Variants in PLXNA4 observed in about 807,000 individuals in gnomAD.
PLXNA4 encodes the protein plexin-A4.
In PLXNA4, 44 loss-of-function variants were observed where a neutral mutation model predicts 191.8. That is an observed-to-expected ratio of 0.23 (90% confidence interval 0.18 to 0.29). The LOEUF is 0.29. PLXNA4 is among the 10% of genes least tolerant of loss of function. The pLI is 1.00. For synonymous variants in PLXNA4, 1,082 were observed against 1,009.5 expected (o/e 1.07, Z -1.36); for missense variants, 1,800 against 2,488.8 (o/e 0.72, Z 5.89).
At chr7:132,379,511 C>T (rs62466423) in intron 3 of PLXNA4, among the ~76,000 whole-genome samples, 7,781 of 152,306 alleles carry the variant, frequency 0.051, 275 homozygotes, top group Non-Finnish European at 0.077. Flanking sequence ...ATGGACCTTG[C>T]ATTCCTCCAT....
chr7:132,585,030 C>T (rs1033853372), intron 2 of PLXNA4, among the ~76,000 whole-genome samples: 2 of 152,072 alleles, frequency 1.3e-5, no homozygotes, highest in Admixed American at 1.3e-4. Flanking sequence ...CACGCAGCAG[C>T]CTGTCTGCCT....
At chr7:132,204,959 C>T (rs915747726) in intron 10 of PLXNA4, among the ~76,000 whole-genome samples, 6 of 152,282 alleles carry the variant, frequency 3.9e-5, no homozygotes, top group African/African-American at 7.2e-5. Flanking sequence ...TCCCTGGCAA[C>T]GCGTGCCAGG....
chr7:132,454,593 C>T (rs1256793051), intron 3 of PLXNA4, among the ~76,000 whole-genome samples: 2 of 152,084 alleles, frequency 1.3e-5, no homozygotes, highest in African/African-American at 4.8e-5. Flanking sequence ...GTTGAAGTCC[C>T]AACCCCCAGT....
At position 132,489,272 on chromosome 7, in the gene PLXNA4, G is replaced by T; in HGVS notation, c.1371+20C>A. The T allele has an allele frequency of 1.9e-6, 3 of 1,571,682 alleles. No individual in the cohort carries two copies. The highest frequency in any genetic ancestry group is 2.6e-6 in the Non-Finnish European group (3 of 1,146,320). ...CAGACTGTCTTCACAGTAACCAAAA[G>T]TACTGCACCTCATTCCTACCTTCTT... On this transcript the variant is annotated intron_variant, in intron 3 of 31. Coordinates refer to ENST00000321063, the MANE Select transcript of PLXNA4 (RefSeq NM_020911.2).
At chr7:132,459,319 C>T (rs945820551) in intron 3 of PLXNA4, among the ~76,000 whole-genome samples, 3 of 152,142 alleles carry the variant, frequency 2.0e-5, no homozygotes, top group African/African-American at 7.2e-5. Context: ...ATTTTAACAC[C>T]AACAAGATCT....
At chr7:132,248,132 G>A (rs960929829) in intron 4 of PLXNA4, among the ~76,000 whole-genome samples, 1 of 152,202 alleles carries the variant, frequency 6.6e-6, no homozygotes, top group Non-Finnish European at 1.5e-5. Flanking sequence ...GTGCTTATGT[G>A]CTCATCTTTG....
Position 132,508,702 on chromosome 7 carries a change from C to T in PLXNA4, c.-9G>A, listed in dbSNP as rs934265260. The T allele has an allele frequency of 1.8e-5, 27 of 1,495,118 alleles. No homozygotes were observed. The highest frequency in any genetic ancestry group is 1.5e-4 in the East Asian group (6 of 40,752). The allele number at this position is 1,495,118 out of a possible 1,614,324, so 92.6% of individuals were successfully genotyped here. A position where few individuals can be genotyped will look rare whatever the true frequency, so the allele number is the denominator to read the frequency against. On this transcript the variant is annotated 5_prime_UTR_variant, in exon 2 of 32. Coordinates refer to ENST00000321063, the MANE Select transcript of PLXNA4 (RefSeq NM_020911.2). This position sits in a 1 kb window ranked among gnomAD's most constrained non-coding sequence, Gnocchi z 4.4. ...CAGGGCATGGCTTTCATGGCAGAGG[C>T]GGGTCCCAGTGGCACAGCAGCACTC... is the stretch of plus-strand genomic sequence containing the variant.
intron 10 of PLXNA4, among the ~76,000 whole-genome samples, chr7:132,209,110 T>A (rs1390556660): frequency 1.3e-5 from 2 of 152,182 alleles, no homozygotes. Flanking sequence ...GACCAAGAGG[T>A]TTAGAAGACT....
At chr7:132,222,047 A>G (rs1798161967) in intron 9 of PLXNA4, among the ~76,000 whole-genome samples, 1 of 152,202 alleles carries the variant, frequency 6.6e-6, no homozygotes, top group Non-Finnish European at 1.5e-5. Flanking sequence ...CATTATCTTA[A>G]TGAAGGTTTT....
chr7:132,319,812 C>T (rs1252269732), intron 3 of PLXNA4, among the ~76,000 whole-genome samples: 1 of 151,912 alleles, frequency 6.6e-6, no homozygotes, highest in African/African-American at 2.4e-5. Flanking sequence ...AGCCATGGGG[C>T]TTTGCTGGAG....
chr7:132,400,344 G>T (rs534838960), intron 3 of PLXNA4, among the ~76,000 whole-genome samples: 1 of 152,146 alleles, frequency 6.6e-6, no homozygotes, highest in African/African-American at 2.4e-5. Flanking sequence ...TTAGGAAGGA[G>T]TCCCTAGGAG....
chr7:132,215,538 T>A (rs1797936362), intron 9 of PLXNA4, among the ~76,000 whole-genome samples: 1 of 152,206 alleles, frequency 6.6e-6, no homozygotes, highest in South Asian at 2.1e-4. Context: ...CAAGCCCTTT[T>A]CCACTATACC....
At chr7:132,424,905 G>A (rs558090794) in intron 3 of PLXNA4, among the ~76,000 whole-genome samples, 9 of 152,304 alleles carry the variant, frequency 5.9e-5, no homozygotes, top group African/African-American at 9.6e-5. Context: ...TCCACGCATC[G>A]TCCAGCTCAC....
At chr7:132,527,195 C>G (rs1400968660) in intron 1 of PLXNA4, among the ~76,000 whole-genome samples, 1 of 152,144 alleles carries the variant, frequency 6.6e-6, no homozygotes, top group Non-Finnish European at 1.5e-5. Flanking sequence ...GCAGAAGAAA[C>G]TGAAATCTTT....
intron 1 of PLXNA4, among the ~76,000 whole-genome samples, chr7:132,511,052 G>T (rs1798694149): frequency 6.6e-6 from 1 of 152,080 alleles, no homozygotes; most frequent in African/African-American, 2.4e-5. Flanking sequence ...GGAGCTGAGG[G>T]TCTGTGAACT....
chr7:132,591,231 C>T (rs926054609), intron 2 of PLXNA4, among the ~76,000 whole-genome samples: 1 of 152,156 alleles, frequency 6.6e-6, no homozygotes, highest in African/African-American at 2.4e-5. Flanking sequence ...ACACAGGGCC[C>T]ATGTTGGGGA....
At chr7:132,181,261 C>T in intron 18 of PLXNA4, 120 bp downstream of exon 18, 2 of 1,518,786 alleles carry the variant, frequency 1.3e-6, no homozygotes, top group Admixed American at 1.8e-5. Context: ...CTGGGCTACA[C>T]TGCAACCTCT....
At chr7:132,187,725 G>C in intron 14 of PLXNA4, 118 bp from the exon 15 acceptor site, 3 of 1,456,658 alleles carry the variant, frequency 2.1e-6, no homozygotes. Context: ...TGGTAACAGT[G>C]GTCTCCCAGA....
At chr7:132,293,230 G>C (rs1372401786) in intron 4 of PLXNA4, among the ~76,000 whole-genome samples, 1 of 152,154 alleles carries the variant, frequency 6.6e-6, no homozygotes, top group Non-Finnish European at 1.5e-5. Flanking sequence ...CTCTTCGCCT[G>C]TTGTATTAGC....
Sources: gnomAD v4.1 joint callset for allele counts (sites outside exome capture counted in the v4.1 genomes callset) on GRCh38, gnomAD v4.1.1 for gene constraint, Gnocchi (gnomAD v3.1) non-coding constraint, MANE v1.5 for transcripts, NCBI Gene and HGNC (gene_info 2026-07-23, HGNC 2026-07-21) for gene names.